RRAS2: variants seen among roughly 807,000 people sequenced by gnomAD.
RRAS2 encodes the protein ras-related protein R-Ras2.
In RRAS2, 7 loss-of-function variants were observed where a neutral mutation model predicts 27.6. That is an observed-to-expected ratio of 0.25 (90% CI 0.14 to 0.48). The LOEUF (loss-of-function observed/expected upper bound fraction) is 0.48. Among genes scored for constraint, RRAS2 ranks in the 20% least tolerant of loss-of-function variants. The probability of loss-of-function intolerance (pLI) is 0.99; values close to 1 mark genes in which losing one functional copy is unlikely to be tolerated. For missense variants in RRAS2, 178 were observed against 256.2 expected, an observed-to-expected ratio of 0.69 and a Z score of 2.08; for synonymous variants, 86 against 90.9, an observed-to-expected ratio of 0.95 and a Z score of 0.31.
At chr11:14,340,488 A>T (rs562808087) in intron 1 of RRAS2, among the ~76,000 whole-genome samples, 190 of 152,222 alleles carry the variant, frequency 1.2e-3, no homozygotes, top group Middle Eastern at 6.8e-3. Flanking sequence ...CTACATTAAG[A>T]ACCATTTCCA....
chr11:14,360,709 C>T (rs2134050723), upstream of RRAS2, among the ~76,000 whole-genome samples: 1 of 152,250 alleles, frequency 6.6e-6, no homozygotes, highest in South Asian at 2.1e-4. Flanking sequence ...ATCGCTTGAG[C>T]CCAGGAGTTC....
At chr11:14,331,697 A>AG (rs1848484933) in intron 1 of RRAS2, among the ~76,000 whole-genome samples, 1 of 147,394 alleles carries the variant, frequency 6.8e-6, no homozygotes, top group African/African-American at 2.5e-5. Context: ...AAAAAAAAAA[A>AG]GTTCTGGCAA....
At position 14,337,322 on chromosome 11, in the gene RRAS2, C is replaced by T. The variant is rs118167292; in HGVS notation, c.108+21441G>A. 3.0e-3 allele frequency among the ~76,000 whole-genome samples: 456 copies of T among 152,298 alleles called. 9 individuals carry two copies. In the East Asian group the frequency reaches 0.041, roughly 14 times the overall value. ...CAACCGTTAGTCATCAACACTGACA[C>T]TGTCTGCTCTGAACATTCAACTGTT... On this transcript the variant is annotated intron_variant, in intron 1 of 5. Coordinates refer to ENST00000256196, the MANE Select transcript of RRAS2 (RefSeq NM_012250.6).
chr11:14,324,468 G>C (rs1203270832), intron 1 of RRAS2, among the ~76,000 whole-genome samples: 2 of 148,134 alleles, frequency 1.4e-5, no homozygotes, highest in Non-Finnish European at 3.0e-5. Context: ...GAGTGTAAAA[G>C]CATTCTCTTC....
At chr11:14,336,172 C>T (rs1028746303) in intron 1 of RRAS2, among the ~76,000 whole-genome samples, 4 of 152,204 alleles carry the variant, frequency 2.6e-5, no homozygotes, top group Non-Finnish European at 4.4e-5. Flanking sequence ...AGCGTCCCCA[C>T]ATTTTGGACT....
chr11:14,282,132 G>C (rs1347852261), intron 4 of RRAS2, among the ~76,000 whole-genome samples: 1 of 152,194 alleles, frequency 6.6e-6, no homozygotes, highest in Admixed American at 6.5e-5. Context: ...GTGTGAAGAA[G>C]TATCCTTGCC....
chr11:14,316,708 A>G (rs1282947692), intron 1 of RRAS2, among the ~76,000 whole-genome samples: 1 of 152,228 alleles, frequency 6.6e-6, no homozygotes, highest in Non-Finnish European at 1.5e-5. Flanking sequence ...GCACCACTGC[A>G]CTTAGCCTGG....
rs184201584 is a variant in RRAS2, at chr11:14,331,046, T to C, written c.108+27717A>G. 2.0e-3 allele frequency among the ~76,000 whole-genome samples: 306 copies of C among 152,284 alleles called. 1 individual carries two copies. The highest frequency in any genetic ancestry group is 7.0e-3 in the African/African-American group (290 of 41,552). On this transcript the variant is annotated intron_variant, in intron 1 of 5. Transcript: ENST00000256196. ...ATCCTGCTGCCTGAGACTTCTAAAG[T>C]GCTGGGATTACAGGCATGAGCCACT...
Position 14,281,736 on chromosome 11 carries a change from T to G in RRAS2, c.409-16A>C, listed in dbSNP as rs2303972. ...CCTGTGTTACCTGAAATTCCAACAG[T>G]TATGTTTATGGTACATTATTAACAA... On this transcript the variant is annotated splice_polypyrimidine_tract_variant and intron_variant, in intron 4 of 5. Transcript: ENST00000256196. 3.2e-6 allele frequency: 5 copies of G among 1,565,124 alleles called. No homozygotes were observed. The highest frequency in any genetic ancestry group is 4.4e-6 in the Non-Finnish European group (5 of 1,147,480).
At chr11:14,323,076 C>T (rs1848261428) in intron 1 of RRAS2, among the ~76,000 whole-genome samples, 1 of 152,110 alleles carries the variant, frequency 6.6e-6, no homozygotes, top group Non-Finnish European at 1.5e-5. Context: ...ATACTATGAA[C>T]AACTTTATGC....
At chr11:14,354,448 A>G (rs1849029363) in intron 1 of RRAS2, 1 of 152,180 alleles carries the variant, frequency 6.6e-6, no homozygotes, top group Non-Finnish European at 1.5e-5. Context: ...AAACTGACAA[A>G]AAGAAATTTC....
intron 1 of RRAS2, among the ~76,000 whole-genome samples, chr11:14,318,301 C>T (rs1201785321): frequency 1.3e-5 from 2 of 152,064 alleles, no homozygotes; most frequent in Non-Finnish European, 2.9e-5. Flanking sequence ...GGGTTCAAGA[C>T]CAGTCTGGCC....
chr11:14,345,584 T>C (rs1443284785), intron 1 of RRAS2, among the ~76,000 whole-genome samples: 2 of 152,164 alleles, frequency 1.3e-5, no homozygotes, highest in Admixed American at 1.3e-4. Flanking sequence ...CGTTTTCTAA[T>C]CCATAACCTT....
chr11:14,329,596 C>T (rs1035861360), intron 1 of RRAS2, among the ~76,000 whole-genome samples: 5 of 152,160 alleles, frequency 3.3e-5, no homozygotes, highest in Non-Finnish European at 7.3e-5. Flanking sequence ...CCCCTCAACA[C>T]CTGGATCTGA....
At chr11:14,335,072 G>A (rs1268155611) in intron 1 of RRAS2, among the ~76,000 whole-genome samples, 1 of 152,144 alleles carries the variant, frequency 6.6e-6, no homozygotes, top group Non-Finnish European at 1.5e-5. Context: ...TCTAAGACCT[G>A]TGACCCTGCT....
At chr11:14,346,822 G>A (rs1324079698) in intron 1 of RRAS2, among the ~76,000 whole-genome samples, 1 of 152,044 alleles carries the variant, frequency 6.6e-6, no homozygotes, top group Non-Finnish European at 1.5e-5. Context: ...AAAACACCCT[G>A]TTGTACATAA....
chr11:14,297,264 G>C (rs1554946776), intron 1 of RRAS2, among the ~76,000 whole-genome samples: 1 of 152,142 alleles, frequency 6.6e-6, no homozygotes, highest in African/African-American at 2.4e-5. Context: ...CCAGCATCAA[G>C]AGTATTTAGC....
intron 1 of RRAS2, among the ~76,000 whole-genome samples, chr11:14,341,462 T>C (rs986698218): frequency 9.9e-5 from 15 of 152,194 alleles, no homozygotes; most frequent in African/African-American, 2.9e-4. Context: ...TCAGAAACCA[T>C]GTATAGTAAT....
intron 1 of RRAS2, among the ~76,000 whole-genome samples, chr11:14,307,016 C>T (rs1428408663): frequency 6.6e-6 from 1 of 151,542 alleles, no homozygotes; most frequent in Non-Finnish European, 1.5e-5. Context: ...CATGGTGAAA[C>T]CCAGTGTCTA....
Sources: gnomAD v4.1 joint callset for allele counts (sites outside exome capture counted in the v4.1 genomes callset) on GRCh38, gnomAD v4.1.1 for gene constraint, MANE v1.5 for transcripts, NCBI Gene and HGNC (gene_info 2026-07-23, HGNC 2026-07-21) for gene names.